MACROD1: variants seen among roughly 807,000 people sequenced by gnomAD.
The protein encoded by MACROD1 is ADP-ribose glycohydrolase MACROD1.
In MACROD1, 31 loss-of-function variants were observed where a neutral mutation model predicts 41.4. That is an observed-to-expected ratio of 0.75 (90% confidence interval 0.56 to 1.01). The LOEUF (loss-of-function observed/expected upper bound fraction) is 1.01, where lower values mean the gene tolerates loss of function less well. Ranked by LOEUF, MACROD1 falls within the 50% of genes least tolerant of loss-of-function variation. MACROD1 has a pLI of 0.00. For missense variants in MACROD1, 473 were observed against 460.0 expected, an observed-to-expected ratio of 1.03 and a Z score of -0.26; for synonymous variants, 252 against 203.4, an observed-to-expected ratio of 1.24 and a Z score of -2.03.
intron 3 of MACROD1, among the ~76,000 whole-genome samples, chr11:64,046,762 G>A (rs962755584): frequency 1.3e-5 from 2 of 152,156 alleles, no homozygotes; most frequent in African/African-American, 2.4e-5. Context: ...ACGTCCCAAA[G>A]TGCTGGGATT....
chr11:64,001,806 G>C, intron 4 of MACROD1: 1 of 698,160 alleles, frequency 1.4e-6, no homozygotes, highest in Non-Finnish European at 2.6e-6. Context: ...TCCCAGTGCT[G>C]GGAAGTGAGT....
chr11:64,071,049 G>A lies in MACROD1; in HGVS notation c.518-55768C>T, dbSNP rs575872664. Among the ~76,000 whole-genome samples, 5 of 152,260 alleles carry A rather than the reference G, an allele frequency of 3.3e-5. 1 individual carries two copies. Among genetic ancestry groups the A allele is most frequent in the African/African-American group, 9.6e-5 (4 of 41,536 alleles). On this transcript the variant is annotated intron_variant, in intron 3 of 10. Coordinates refer to ENST00000255681, the MANE Select transcript of MACROD1 (RefSeq NM_014067.4). ...CATACTCATCTCTTTATTCTTCTCTGTGCACCTGTTGGGGACACCAGGCCT... is the reference window on the plus strand; with the variant it reads ...CATACTCATCTCTTTATTCTTCTCTATGCACCTGTTGGGGACACCAGGCCT...
chr11:64,007,819 C>T (rs1400223070), intron 4 of MACROD1, among the ~76,000 whole-genome samples: 1 of 152,212 alleles, frequency 6.6e-6, no homozygotes, highest in Non-Finnish European at 1.5e-5. Flanking sequence ...GGGGACTGCC[C>T]AGCCCTTCCG....
rs78228546 is a variant in MACROD1 at position 64,120,219 on chromosome 11, G to C, written c.517+31020C>G. Among the ~76,000 whole-genome samples, 233 of 152,242 alleles carry C rather than the reference G, an allele frequency of 1.5e-3. No individual in the cohort carries two copies. Among genetic ancestry groups the C allele is most frequent in the African/African-American group, 5.3e-3 (221 of 41,540 alleles). On this transcript the variant is annotated intron_variant, in intron 3 of 10. Coordinates refer to ENST00000255681, the MANE Select transcript of MACROD1 (RefSeq NM_014067.4). The surrounding 1 kb of genome is among the most constrained non-coding windows in gnomAD (Gnocchi z 4.5). ...TGGGCACAGGCTCCCAGCACGGCCT[G>C]GGGGGGCTAGCCCACGAAATAGGTC... is the stretch of plus-strand genomic sequence containing the variant.
At chr11:64,106,288 C>A (rs1381433151) in intron 3 of MACROD1, among the ~76,000 whole-genome samples, 1 of 152,120 alleles carries the variant, frequency 6.6e-6, no homozygotes, top group East Asian at 1.9e-4. Flanking sequence ...CACCCTGGGT[C>A]ACCATGACGT....
At chr11:64,079,408 G>T (rs545706536) in intron 3 of MACROD1, among the ~76,000 whole-genome samples, 1 of 152,178 alleles carries the variant, frequency 6.6e-6, no homozygotes, top group East Asian at 1.9e-4. Context: ...GTTGGGGATG[G>T]GGGGGTGTGC....
At chr11:64,071,959 C>A (rs1039620142) in intron 3 of MACROD1, among the ~76,000 whole-genome samples, 1 of 152,214 alleles carries the variant, frequency 6.6e-6, no homozygotes, top group Non-Finnish European at 1.5e-5. Flanking sequence ...CTGGAGAGGC[C>A]TCAGCTGCCG....
At chr11:64,005,586 C>A (rs1590792090) in intron 4 of MACROD1, among the ~76,000 whole-genome samples, 1 of 152,224 alleles carries the variant, frequency 6.6e-6, no homozygotes, top group Non-Finnish European at 1.5e-5. Context: ...CAGCGTCTGG[C>A]CCTGCCTCTC....
At chr11:64,101,472 T>G (rs1196667210) in intron 3 of MACROD1, among the ~76,000 whole-genome samples, 2 of 152,038 alleles carry the variant, frequency 1.3e-5, no homozygotes, top group African/African-American at 4.8e-5. Context: ...GACTGGAGCC[T>G]CTGGGCTCCC....
At chr11:64,139,907 G>C (rs1945387300) in intron 3 of MACROD1, among the ~76,000 whole-genome samples, 1 of 149,786 alleles carries the variant, frequency 6.7e-6, no homozygotes, top group Non-Finnish European at 1.5e-5. Context: ...AGTGAGCCGA[G>C]ATCACGCCAC....
At chr11:64,079,984 T>C (rs1023674146) in intron 3 of MACROD1, among the ~76,000 whole-genome samples, 1 of 152,182 alleles carries the variant, frequency 6.6e-6, no homozygotes, top group African/African-American at 2.4e-5. Context: ...CTTGAGACCT[T>C]GAACAAGTTG....
chr11:64,060,818 CG>C (rs1260309104), intron 3 of MACROD1, among the ~76,000 whole-genome samples: 1 of 152,198 alleles, frequency 6.6e-6, no homozygotes, highest in Non-Finnish European at 1.5e-5. Context: ...CTGCAGCCCC[CG>C]GGTCGCCCGG....
chr11:64,045,957 CTG>C (rs886572623), intron 3 of MACROD1, among the ~76,000 whole-genome samples: 3 of 152,202 alleles, frequency 2.0e-5, no homozygotes, highest in Non-Finnish European at 4.4e-5. Context: ...GGTAACATGA[CTG>C]AGCACTCACT....
At chr11:64,053,433 G>C (rs1013062750) in intron 3 of MACROD1, among the ~76,000 whole-genome samples, 3 of 152,216 alleles carry the variant, frequency 2.0e-5, no homozygotes, top group African/African-American at 7.2e-5. Context: ...CCCTCCAGGG[G>C]CACTGAGGTG....
At chr11:64,041,309 T>C (rs1479809969) in intron 3 of MACROD1, among the ~76,000 whole-genome samples, 2 of 145,028 alleles carry the variant, frequency 1.4e-5, no homozygotes, top group Non-Finnish European at 3.0e-5. Flanking sequence ...CAGAAGCAAA[T>C]TGCTCTTCTT....
chr11:64,007,769 G>C (rs768930960), intron 4 of MACROD1, among the ~76,000 whole-genome samples: 18 of 152,240 alleles, frequency 1.2e-4, no homozygotes, highest in Non-Finnish European at 2.4e-4. Context: ...CGCCCACCCT[G>C]CACACACAAC....
At chr11:63,999,181 G>T in intron 8 of MACROD1, 145 bp from the exon 9 acceptor site, 1 of 1,328,358 alleles carries the variant, frequency 7.5e-7, no homozygotes, top group Non-Finnish European at 1.0e-6. Context: ...CCCCCATCTC[G>T]CCACCGCCAG....
At chr11:64,054,846 C>G (rs1003250290) in intron 3 of MACROD1, among the ~76,000 whole-genome samples, 1 of 152,022 alleles carries the variant, frequency 6.6e-6, no homozygotes, top group Non-Finnish European at 1.5e-5. Context: ...ACTTTCCAGC[C>G]AGCTTTTAAG....
At chr11:64,032,975 C>G (rs1262193818) in intron 3 of MACROD1, among the ~76,000 whole-genome samples, 2 of 151,752 alleles carry the variant, frequency 1.3e-5, no homozygotes, top group Non-Finnish European at 2.9e-5. Context: ...CCAAGAATTC[C>G]TGAGCCTCAA....
Sources: gnomAD v4.1 joint callset for allele counts (sites outside exome capture counted in the v4.1 genomes callset) on GRCh38, gnomAD v4.1.1 for gene constraint, Gnocchi (gnomAD v3.1) non-coding constraint, MANE v1.5 for transcripts, NCBI Gene and HGNC (gene_info 2026-07-23, HGNC 2026-07-21) for gene names.